The following CPNE4 variants were observed in gnomAD, a reference collection of about 807,000 sequenced individuals.
The protein encoded by CPNE4 is copine 4, also known as copine-4.
In CPNE4, 25 loss-of-function variants were observed where a neutral mutation model predicts 67.9. The observed-to-expected ratio is 0.37, with a 90% CI of 0.27 to 0.51. The LOEUF (loss-of-function observed/expected upper bound fraction) is 0.51, where lower values mean the gene tolerates loss of function less well. Ranked by LOEUF, CPNE4 falls within the 20% of genes least tolerant of loss-of-function variation. CPNE4 has a pLI of 0.93. For missense variants in CPNE4, 464 were observed against 690.8 expected, an observed-to-expected ratio of 0.67 and a Z score of 3.68; for synonymous variants, 242 against 244.9, an observed-to-expected ratio of 0.99 and a Z score of 0.11.
At chr3:131,909,880 A>C (rs2088911532) in intron 1 of CPNE4, among the ~76,000 whole-genome samples, 1 of 150,738 alleles carries the variant, frequency 6.6e-6, no homozygotes, top group Admixed American at 6.6e-5. Flanking sequence ...TAAACATATA[A>C]ACTGGAGGCA....
chr3:131,885,947 CAATAG>C (rs1233048430), intron 2 of CPNE4, among the ~76,000 whole-genome samples: 2 of 152,132 alleles, frequency 1.3e-5, no homozygotes, highest in Non-Finnish European at 2.9e-5. Context: ...CCTGACAATG[CAATAG>C]AAAAGAAAAT....
intron 1 of CPNE4, among the ~76,000 whole-genome samples, chr3:131,964,904 C>T (rs1345628308): frequency 6.6e-6 from 1 of 152,012 alleles, no homozygotes; most frequent in African/African-American, 2.4e-5. Flanking sequence ...AGAAGAGCAA[C>T]CCCAAGGCAC....
At chr3:131,842,268 A>G (rs928257563) in intron 2 of CPNE4, among the ~76,000 whole-genome samples, 37 of 152,244 alleles carry the variant, frequency 2.4e-4, no homozygotes, top group Non-Finnish European at 1.8e-4. Flanking sequence ...TTCACTTTGA[A>G]TGAGGAGGGC....
Position 131,814,756 on chromosome 3 carries a change from C to T in CPNE4, c.180+90508G>A, listed in dbSNP as rs541444271. 1.5e-4 allele frequency among the ~76,000 whole-genome samples: 21 copies of T among 144,578 alleles called. No individual in the cohort carries two copies. The East Asian group carries it at 4.1e-3, about 28-fold the overall frequency. The allele number at this position is 144,578 out of a possible 152,430, so 94.8% of individuals were successfully genotyped here. A position where few individuals can be genotyped will look rare whatever the true frequency, so the allele number is the denominator to read the frequency against. ...AGTAGCTGGGACTACAGGCGCCCGC[C>T]ACTACGCCCGGCTAATTTTTTGTAT... is the stretch of plus-strand genomic sequence containing the variant. On this transcript the variant is annotated intron_variant, in intron 2 of 15. Transcript: ENST00000429747.
chr3:131,933,237 TAGA>T (rs2071123685), intron 1 of CPNE4, among the ~76,000 whole-genome samples: 2 of 151,824 alleles, frequency 1.3e-5, no homozygotes, highest in African/African-American at 4.8e-5. Flanking sequence ...AAGGATGGAA[TAGA>T]AGAGAATAGA....
rs1935969762 is a variant in CPNE4 at position 131,548,048 on chromosome 3, G to A, written c.1302+1899C>T. On this transcript the variant is annotated intron_variant, in intron 14 of 15. Coordinates refer to ENST00000429747, the MANE Select transcript of CPNE4 (RefSeq NM_130808.3). ...GCTGAAGATGATAATGAGATGTATGGAAGGGCCAGTGGACTGAACCAAAGA... is the reference window on the plus strand; with the variant it reads ...GCTGAAGATGATAATGAGATGTATGAAAGGGCCAGTGGACTGAACCAAAGA... 2.0e-5 allele frequency among the ~76,000 whole-genome samples: 3 copies of A among 152,254 alleles called. 1 individual carries two copies. The South Asian group carries it at 6.2e-4, about 32-fold the overall frequency.
intron 1 of CPNE4, among the ~76,000 whole-genome samples, chr3:132,015,054 A>G (rs1260885127): frequency 1.3e-5 from 2 of 152,214 alleles, no homozygotes; most frequent in African/African-American, 4.8e-5. Context: ...TTATCATTGC[A>G]TTCTTTGCCT....
chr3:131,815,425 A>G (rs965424055), intron 2 of CPNE4, among the ~76,000 whole-genome samples: 5 of 152,236 alleles, frequency 3.3e-5, no homozygotes, highest in African/African-American at 1.2e-4. Context: ...CAAGATTTAT[A>G]TTTGCTAGCT....
intron 2 of CPNE4, among the ~76,000 whole-genome samples, chr3:131,851,133 A>C (rs1352096736): frequency 6.6e-6 from 1 of 152,062 alleles, no homozygotes; most frequent in East Asian, 1.9e-4. Context: ...CATTAGGTAC[A>C]TGTATGTATG....
chr3:131,728,264 T>C (rs1354074995), intron 2 of CPNE4, among the ~76,000 whole-genome samples: 2 of 152,212 alleles, frequency 1.3e-5, no homozygotes, highest in African/African-American at 4.8e-5. Flanking sequence ...TTTTCATTCT[T>C]ATAACAATAT....
intron 1 of CPNE4, among the ~76,000 whole-genome samples, chr3:131,934,289 G>T (rs1233044235): frequency 2.6e-5 from 4 of 152,110 alleles, no homozygotes; most frequent in Non-Finnish European, 5.9e-5. Context: ...AAAAAGTGAG[G>T]AATTTTGATT....
At chr3:131,874,870 TAA>T (rs2087375293) in intron 2 of CPNE4, among the ~76,000 whole-genome samples, 1 of 152,202 alleles carries the variant, frequency 6.6e-6, no homozygotes, top group Non-Finnish European at 1.5e-5. Context: ...CACGTGTATA[TAA>T]TTGATGAATA....
chr3:131,556,157 T>C (rs796159396), intron 11 of CPNE4, among the ~76,000 whole-genome samples: 25 of 152,086 alleles, frequency 1.6e-4, no homozygotes, highest in African/African-American at 6.0e-4. Context: ...GTAGATCACT[T>C]GAGGCCAGGA....
chr3:131,723,114 C>G (rs1220984742), intron 3 of CPNE4, among the ~76,000 whole-genome samples: 1 of 152,102 alleles, frequency 6.6e-6, no homozygotes, highest in African/African-American at 2.4e-5. Flanking sequence ...TATAGTGAAA[C>G]AGGATAAGGC....
intron 1 of CPNE4, among the ~76,000 whole-genome samples, chr3:131,961,270 G>A (rs188006971): frequency 6.6e-6 from 1 of 151,004 alleles, no homozygotes; most frequent in African/African-American, 2.5e-5. Context: ...CTTAAGTGCT[G>A]TATTAGAATT....
Position 131,993,052 on chromosome 3 carries a change from A to C in CPNE4, c.-2+41515T>G, listed in dbSNP as rs201095093. Among the ~76,000 whole-genome samples, 4 of 136,268 alleles carry C rather than the reference A, an allele frequency of 2.9e-5. 2 individuals are homozygous for C. In the East Asian group the frequency reaches 9.5e-4, roughly 32 times the overall value. The allele number at this position is 136,268 out of a possible 152,430, so 89.4% of individuals were successfully genotyped here. ...TAGCAGCATGAGAATGGACTAATACAAAGATAATGGAGGTTGAAGAGATAA... is the reference window on the plus strand; with the variant it reads ...TAGCAGCATGAGAATGGACTAATACCAAGATAATGGAGGTTGAAGAGATAA... On this transcript the variant is annotated intron_variant, in intron 1 of 15. Coordinates refer to ENST00000429747, the MANE Select transcript of CPNE4 (RefSeq NM_130808.3).
intron 3 of CPNE4, among the ~76,000 whole-genome samples, chr3:131,710,264 T>C (rs1444202135): frequency 2.0e-5 from 3 of 152,224 alleles, no homozygotes; most frequent in Non-Finnish European, 4.4e-5. Context: ...AATAGATCCA[T>C]GTCAAGGGAA....
intron 2 of CPNE4, among the ~76,000 whole-genome samples, chr3:131,780,015 CA>C (rs1156464355): frequency 6.6e-6 from 1 of 151,968 alleles, no homozygotes; most frequent in African/African-American, 2.4e-5. Flanking sequence ...AAAAAATGGG[CA>C]AAGGACATGA....
intron 2 of CPNE4, among the ~76,000 whole-genome samples, chr3:131,762,532 C>T (rs1359308705): frequency 1.3e-5 from 2 of 151,846 alleles, no homozygotes; most frequent in African/African-American, 4.8e-5. Context: ...CTGTATACCG[C>T]ATATCATTCT....
Sources: gnomAD v4.1 joint callset for allele counts (sites outside exome capture counted in the v4.1 genomes callset) on GRCh38, gnomAD v4.1.1 for gene constraint, MANE v1.5 for transcripts, NCBI Gene and HGNC (gene_info 2026-07-23, HGNC 2026-07-21) for gene names.